Variants in ESRP1 observed in about 807,000 individuals in gnomAD.
ESRP1 encodes the protein RNA-binding motif protein 35A.
ESRP1 carries 33 observed loss-of-function variants against 81.7 expected under a neutral mutation model. The observed-to-expected ratio is 0.40, with a 90% CI of 0.31 to 0.54. ESRP1 has a LOEUF of 0.54. Ranked by LOEUF, ESRP1 falls within the 20% of genes least tolerant of loss-of-function variation. The pLI is 0.41. For synonymous variants in ESRP1, 320 were observed against 303.3 expected (o/e 1.06, Z -0.57); for missense variants, 672 against 833.1 (o/e 0.81, Z 2.38).
At chr8:94,701,591 T>C (rs1392546765) in intron 15 of ESRP1, among the ~76,000 whole-genome samples, 1 of 151,594 alleles carries the variant, frequency 6.6e-6, no homozygotes, top group Non-Finnish European at 1.5e-5. Flanking sequence ...CTTTCTTCTT[T>C]TTCTTTTTCT....
At chr8:94,689,676 G>C (rs1473088839) in intron 13 of ESRP1, among the ~76,000 whole-genome samples, 1 of 151,960 alleles carries the variant, frequency 6.6e-6, no homozygotes, top group African/African-American at 2.4e-5. Flanking sequence ...TTTTGAGACA[G>C]AGCCTCACTT....
chr8:94,694,912 G>A (rs968236721), intron 14 of ESRP1, among the ~76,000 whole-genome samples: 4 of 152,132 alleles, frequency 2.6e-5, no homozygotes, highest in Admixed American at 6.5e-5. Flanking sequence ...TAGGAACTTC[G>A]GTTATCTAAT....
At chr8:94,644,702 A>G (rs73263253) in intron 3 of ESRP1, among the ~76,000 whole-genome samples, 92 of 152,298 alleles carry the variant, frequency 6.0e-4, no homozygotes, top group African/African-American at 2.0e-3. Flanking sequence ...GTAGGAAAAC[A>G]TCTGGAGAAA....
intron 15 of ESRP1, among the ~76,000 whole-genome samples, chr8:94,702,707 T>A (rs991335359): frequency 6.6e-6 from 1 of 152,094 alleles, no homozygotes; most frequent in African/African-American, 2.4e-5. Context: ...ATGGTCTCAA[T>A]CTCCTGACCT....
chr8:94,670,242 T>C (rs1286170709), intron 10 of ESRP1, among the ~76,000 whole-genome samples: 1 of 152,246 alleles, frequency 6.6e-6, no homozygotes, highest in Non-Finnish European at 1.5e-5. Context: ...CTAGTCATTT[T>C]ATTCAGTAAA....
intron 15 of ESRP1, among the ~76,000 whole-genome samples, chr8:94,701,121 A>G (rs914079264): frequency 6.6e-6 from 1 of 151,592 alleles, no homozygotes; most frequent in Non-Finnish European, 1.5e-5. Context: ...AAAAATAGAA[A>G]AAAATTAGCT....
chr8:94,663,615 G>C (rs150997144), intron 6 of ESRP1, among the ~76,000 whole-genome samples: 1 of 152,156 alleles, frequency 6.6e-6, no homozygotes, highest in Non-Finnish European at 1.5e-5. Flanking sequence ...GTTAGTGATC[G>C]CAGGTAGACC....
chr8:94,669,072 A>G (rs749957944), intron 10 of ESRP1, among the ~76,000 whole-genome samples: 2 of 152,166 alleles, frequency 1.3e-5, no homozygotes, highest in Non-Finnish European at 2.9e-5. Flanking sequence ...GGCATGAGCC[A>G]CCACGCCTGG....
At chr8:94,669,198 C>T (rs1370118842) in intron 10 of ESRP1, among the ~76,000 whole-genome samples, 1 of 152,170 alleles carries the variant, frequency 6.6e-6, no homozygotes, top group South Asian at 2.1e-4. Context: ...CTTGACTTGC[C>T]AGCTACCAAT....
At chr8:94,654,933 GAAAA>G (rs986208851) in intron 4 of ESRP1, among the ~76,000 whole-genome samples, 1 of 144,734 alleles carries the variant, frequency 6.9e-6, no homozygotes, top group African/African-American at 2.5e-5. Context: ...AAAAAAAAAA[GAAAA>G]AAAAAGTAAG....
rs1317820005 is a variant in ESRP1 at position 94,645,124 on chromosome 8, G to A, written c.376-1044G>A. Among the ~76,000 whole-genome samples the A allele has an allele frequency of 2.0e-5, 3 of 152,132 alleles. 1 individual carries two copies. Among genetic ancestry groups the A allele is most frequent in the Admixed American group, 2.0e-4 (3 of 15,270 alleles). ...TGAGCATTTTTGTAGGTAATAGGGAGGTTTCATGGTTCTTTTGGTTGTTAA... is the reference window on the plus strand; with the variant it reads ...TGAGCATTTTTGTAGGTAATAGGGAAGTTTCATGGTTCTTTTGGTTGTTAA... On this transcript the variant is annotated intron_variant, in intron 3 of 15. Coordinates refer to ENST00000433389, the MANE Select transcript of ESRP1 (RefSeq NM_017697.4).
At chr8:94,695,039 A>T (rs11784384) in intron 14 of ESRP1, among the ~76,000 whole-genome samples, 1,539 of 152,242 alleles carry the variant, frequency 0.01, 15 homozygotes, top group Non-Finnish European at 0.017. Context: ...CTTACATAAA[A>T]CGTGTATTTT....
chr8:94,641,201 G>C lies in ESRP1; in HGVS notation c.-118G>C, dbSNP rs202224500. On this transcript the variant is annotated 5_prime_UTR_variant, in exon 1 of 16. Transcript: ENST00000433389. Reference sequence around the variant, plus strand: ...TTTGCACTAGCAGTAGCAAGGAAGGGGGGTGGGCGCTCTTTCTTTTTCTCT... The same window carrying C: ...TTTGCACTAGCAGTAGCAAGGAAGGCGGGTGGGCGCTCTTTCTTTTTCTCT... The C allele has an allele frequency of 2.9e-3, 2,851 of 1,000,000 alleles. 7 individuals carry two copies. Among genetic ancestry groups the C allele is most frequent in the Non-Finnish European group, 3.4e-3 (2,357 of 695,272 alleles). 61.9% of individuals were successfully genotyped at this position (1,000,000 alleles called of 1,614,324 possible).
chr8:94,658,170 C>T (rs1169964806), intron 4 of ESRP1, among the ~76,000 whole-genome samples: 1 of 152,148 alleles, frequency 6.6e-6, no homozygotes, highest in Non-Finnish European at 1.5e-5. Flanking sequence ...ACCTCGGCCT[C>T]CCAAAGTGCT....
chr8:94,674,023 A>G (rs1298863781), intron 11 of ESRP1, among the ~76,000 whole-genome samples: 1 of 152,234 alleles, frequency 6.6e-6, no homozygotes, highest in African/African-American at 2.4e-5. Context: ...AGTCACAAGG[A>G]GACCCTTTCA....
chr8:94,647,563 G>GAGT (rs1817912653), intron 4 of ESRP1, among the ~76,000 whole-genome samples: 1 of 152,110 alleles, frequency 6.6e-6, no homozygotes, highest in African/African-American at 2.4e-5. Flanking sequence ...ATAGCAGGAG[G>GAGT]AGTTATCTTC....
chr8:94,685,474 C>T (rs1204248016), intron 13 of ESRP1, among the ~76,000 whole-genome samples: 2 of 152,124 alleles, frequency 1.3e-5, no homozygotes, highest in Non-Finnish European at 2.9e-5. Context: ...TGTGCCACTG[C>T]ACTCTAGTCT....
chr8:94,679,431 ATGTCAGGAATGGAATCCTTGG>A (rs1808781072), intron 13 of ESRP1, among the ~76,000 whole-genome samples: 1 of 152,162 alleles, frequency 6.6e-6, no homozygotes, highest in Admixed American at 6.5e-5. Context: ...TGTCATCAGA[ATGTCAGGAATGGAATCCTTGG>A]TGTCTCTGAA....
chr8:94,675,411 G>A (rs1819541136), intron 12 of ESRP1, among the ~76,000 whole-genome samples: 1 of 152,164 alleles, frequency 6.6e-6, no homozygotes, highest in East Asian at 1.9e-4. Context: ...CTATACTAAT[G>A]ATCTTGTTTG....
Sources: allele counts gnomAD v4.1 joint callset (sites outside exome capture counted in the v4.1 genomes callset), GRCh38; gene constraint gnomAD v4.1.1; transcripts MANE v1.5; gene names NCBI Gene and HGNC (gene_info 2026-07-23, HGNC 2026-07-21).